FAM81A: variants seen among roughly 807,000 people sequenced by gnomAD.
FAM81A encodes protein FAM81A.
In FAM81A, 19 loss-of-function variants were observed where a neutral mutation model predicts 46.7. The observed-to-expected ratio is 0.41, with a 90% CI of 0.28 to 0.60. The LOEUF (loss-of-function observed/expected upper bound fraction) is 0.60. Ranked by LOEUF, FAM81A falls within the 20% of genes least tolerant of loss-of-function variation. The pLI, the probability that FAM81A is intolerant of heterozygous loss-of-function variation, is 0.34. For missense variants in FAM81A, 377 were observed against 453.5 expected, an observed-to-expected ratio of 0.83 and a Z score of 1.53; for synonymous variants, 183 against 152.9, an observed-to-expected ratio of 1.20 and a Z score of -1.45.
At chr15:59,423,414 A>T (rs1292791218) in intron 2 of FAM81A, among the ~76,000 whole-genome samples, 1 of 152,184 alleles carries the variant, frequency 6.6e-6, no homozygotes, top group African/African-American at 2.4e-5. Context: ...GAGTATTATT[A>T]TTAACTTTTG....
intron 2 of FAM81A, among the ~76,000 whole-genome samples, chr15:59,428,669 C>A (rs1317354495): frequency 8.4e-6 from 1 of 118,898 alleles, no homozygotes; most frequent in Non-Finnish European, 1.6e-5. Context: ...CTCACTCTGT[C>A]ACCCAGGGTG....
upstream of FAM81A, among the ~76,000 whole-genome samples, chr15:59,434,482 A>G (rs191509162): frequency 4.9e-3 from 753 of 152,346 alleles, 4 homozygotes; most frequent in African/African-American, 0.018. Flanking sequence ...GAGGGTCACC[A>G]GTGACTTTCT....
Position 59,479,181 on chromosome 15 carries a change from G to A in FAM81A, c.295-13090G>A, listed in dbSNP as rs370800142. 1.3e-4 allele frequency among the ~76,000 whole-genome samples: 20 copies of A among 152,298 alleles called. No homozygotes were observed. In the East Asian group the frequency reaches 3.5e-3, roughly 26 times the overall value. Reference sequence around the variant, plus strand: ...GTTAGCTGATGTCAAGTGCTCTGATGAGAGGATGTGATGGAGAGTGACTGT... The same window carrying A: ...GTTAGCTGATGTCAAGTGCTCTGATAAGAGGATGTGATGGAGAGTGACTGT... On this transcript the variant is annotated intron_variant, in intron 3 of 8. Transcript: ENST00000288228.
At position 59,482,485 on chromosome 15, in the gene FAM81A, T is replaced by G. The variant is rs1596513344; in HGVS notation, c.295-9786T>G. On this transcript the variant is annotated intron_variant, in intron 3 of 8. Transcript: ENST00000288228. ...GGTTTCACCATGTTGGCCAGGCTGG[T>G]CTTGAACTCCTGACCTCAGGTGATC... 2.0e-5 allele frequency among the ~76,000 whole-genome samples: 3 copies of G among 152,170 alleles called. No homozygotes were observed. The South Asian group carries it at 6.2e-4, about 31-fold the overall frequency.
chr15:59,521,431 C>T lies in FAM81A; in HGVS notation c.*53C>T, dbSNP rs750075899. On this transcript the variant is annotated 3_prime_UTR_variant, in exon 9 of 9. Transcript: ENST00000288228. ...CAGTTTTGCCAGTGGGGCTAGGAGC[C>T]GGATACCTCTGTAGCCAGGCCATCG... The T allele has an allele frequency of 2.4e-4, 367 of 1,542,132 alleles. No individual in the cohort carries two copies. Among genetic ancestry groups the T allele is most frequent in the Non-Finnish European group, 2.7e-4 (303 of 1,142,238 alleles).
chr15:59,442,442 C>T (rs1298745424), intron 1 of FAM81A, among the ~76,000 whole-genome samples: 1 of 151,652 alleles, frequency 6.6e-6, no homozygotes, highest in Non-Finnish European at 1.5e-5. Context: ...TAGTGAAACC[C>T]CATCTCTACT....
intron 2 of FAM81A, among the ~76,000 whole-genome samples, chr15:59,405,151 C>T (rs2081088720): frequency 6.6e-6 from 1 of 152,228 alleles, no homozygotes; most frequent in Admixed American, 6.5e-5. Flanking sequence ...TCGCCTCCTG[C>T]ACATCCTTTC....
At chr15:59,430,877 G>C (rs568891314) in intron 2 of FAM81A, among the ~76,000 whole-genome samples, 35 of 152,262 alleles carry the variant, frequency 2.3e-4, no homozygotes, top group Middle Eastern at 3.4e-3. Context: ...GAGTTAACCA[G>C]ATTAATTAAC....
intron 3 of FAM81A, among the ~76,000 whole-genome samples, chr15:59,483,374 G>C (rs949818572): frequency 3.3e-5 from 5 of 151,848 alleles, no homozygotes; most frequent in Non-Finnish European, 7.4e-5. Context: ...GCCTCAAGCA[G>C]GTTTCCACTG....
intron 2 of FAM81A, among the ~76,000 whole-genome samples, chr15:59,419,981 G>T (rs1205808686): frequency 2.0e-5 from 3 of 152,140 alleles, no homozygotes; most frequent in East Asian, 3.8e-4. Context: ...TTGCCACCCA[G>T]CCCCTTTCCC....
At position 59,484,950 on chromosome 15, in the gene FAM81A, C is replaced by T. The variant is rs1322185050; in HGVS notation, c.295-7321C>T. On this transcript the variant is annotated intron_variant, in intron 3 of 8. Coordinates refer to ENST00000288228, the MANE Select transcript of FAM81A (RefSeq NM_152450.3). ...GATTCACCACAAACTGAATAAAGAG[C>T]CCTTGGGCCTTAGGTGAACAATGGC... Among the ~76,000 whole-genome samples, 3 of 152,192 alleles carry T rather than the reference C, an allele frequency of 2.0e-5. No individual in the cohort carries two copies. The East Asian group carries it at 5.8e-4, about 29-fold the overall frequency.
intron 2 of FAM81A, among the ~76,000 whole-genome samples, chr15:59,418,668 G>T (rs762155995): frequency 6.6e-6 from 1 of 152,162 alleles, no homozygotes; most frequent in African/African-American, 2.4e-5. Context: ...TTCCTTGCTC[G>T]ATTTCCTCTT....
At chr15:59,515,248 A>G (rs2082254532) in intron 7 of FAM81A, among the ~76,000 whole-genome samples, 1 of 152,202 alleles carries the variant, frequency 6.6e-6, no homozygotes, top group Non-Finnish European at 1.5e-5. Context: ...TATCTCAAAA[A>G]AAGAAAAAAA....
At chr15:59,419,074 C>T (rs1345922747) in intron 2 of FAM81A, among the ~76,000 whole-genome samples, 1 of 152,178 alleles carries the variant, frequency 6.6e-6, no homozygotes, top group African/African-American at 2.4e-5. Context: ...GGTTTTAAGT[C>T]ACTGGTAGTT....
chr15:59,419,264 G>T (rs2081160334), intron 2 of FAM81A, among the ~76,000 whole-genome samples: 1 of 152,090 alleles, frequency 6.6e-6, no homozygotes, highest in Non-Finnish European at 1.5e-5. Flanking sequence ...AAAAACCTAT[G>T]ATTTAACTAA....
chr15:59,413,964 T>C (rs2081134139), intron 2 of FAM81A, among the ~76,000 whole-genome samples: 1 of 152,046 alleles, frequency 6.6e-6, no homozygotes, highest in African/African-American at 2.4e-5. Context: ...ATTCTTTTTC[T>C]TTTTTTAGAG....
chr15:59,430,761 G>A (rs1333235145), intron 2 of FAM81A, among the ~76,000 whole-genome samples: 4 of 152,154 alleles, frequency 2.6e-5, no homozygotes, highest in Non-Finnish European at 4.4e-5. Flanking sequence ...TGACTATGAC[G>A]TTGAAAACTA....
chr15:59,509,814 G>C (rs1205743962), intron 6 of FAM81A, among the ~76,000 whole-genome samples: 1 of 152,148 alleles, frequency 6.6e-6, no homozygotes, highest in African/African-American at 2.4e-5. Context: ...GAAACTGAAA[G>C]ATGGCGAGGG....
At position 59,492,375 on chromosome 15, in the gene FAM81A, A is replaced by T. The variant is rs2081990785; in HGVS notation, c.399A>T (p.Arg133=). 1 of 1,613,298 alleles carries T rather than the reference A, an allele frequency of 6.2e-7. No homozygotes were observed. Among genetic ancestry groups the T allele is most frequent in the African/African-American group, 1.3e-5 (1 of 75,032 alleles). The change falls in exon 4 of 9, where the codon CGA becomes CGT. Residue 133 remains arginine, a synonymous_variant. Coordinates refer to ENST00000288228, the MANE Select transcript of FAM81A (RefSeq NM_152450.3). ...AGCTCTCCGGTTTGGGAGATCTTCG[A>T]GGAAGAGTGGCAAGGTAGGTGTTCA... ...MRQLSGLGDL[R]GRVARCDASI... is the part of the protein sequence containing the mutation.
Sources: gnomAD v4.1 joint callset for allele counts (sites outside exome capture counted in the v4.1 genomes callset) on GRCh38, gnomAD v4.1.1 for gene constraint, MANE v1.5 for transcripts, NCBI Gene and HGNC (gene_info 2026-07-23, HGNC 2026-07-21) for gene names.